The following LRP4 variants were observed in gnomAD, a reference collection of about 807,000 sequenced individuals.
LRP4 encodes low-density lipoprotein receptor-related protein 4.
LRP4 carries 95 observed loss-of-function variants against 220.3 expected under a neutral mutation model. That is an observed-to-expected ratio of 0.43 (90% CI 0.37 to 0.51). The LOEUF is 0.51. LRP4 is among the 20% of genes least tolerant of loss of function. The probability of loss-of-function intolerance (pLI) is 0.00; values close to 1 mark genes in which losing one functional copy is unlikely to be tolerated. For missense variants in LRP4, 1,925 were observed against 2,567.0 expected (o/e 0.75, Z 5.40); for synonymous variants, 903 against 954.6 (o/e 0.95, Z 1.00).
At position 46,886,323 on chromosome 11, in the gene LRP4, A is replaced by AC; in HGVS notation, c.2424+1dup. 1 of 1,583,884 alleles carries AC rather than the reference A, an allele frequency of 6.3e-7. No homozygotes were observed. The highest frequency in any genetic ancestry group is 8.6e-7 in the Non-Finnish European group (1 of 1,163,884). On this transcript the variant is annotated splice_donor_variant, in intron 17 of 37. Transcript: ENST00000378623. LOFTEE classifies it high-confidence loss of function. ...CTTCAACCTCCCCACGCTGGGCCCT[A>AC]CCTCCTGTCCTGTTCCATCCCACTT...
At chr11:46,867,536 A>G (rs1057081410) in intron 34 of LRP4, among the ~76,000 whole-genome samples, 2 of 152,178 alleles carry the variant, frequency 1.3e-5, no homozygotes, top group Non-Finnish European at 2.9e-5. Context: ...ATCTCGGCTC[A>G]CCGCAACCTC....
intron 32 of LRP4, 33 bp downstream of exon 32, chr11:46,868,955 T>A: frequency 6.2e-7 from 1 of 1,614,036 alleles, no homozygotes; most frequent in African/African-American, 1.3e-5. Flanking sequence ...CCCACAGATG[T>A]TAAGGAAGCA....
chr11:46,867,893 C>T (rs1940745789), intron 34 of LRP4, 86 bp downstream of exon 34: 2 of 1,535,946 alleles, frequency 1.3e-6, no homozygotes, highest in East Asian at 2.3e-5. Flanking sequence ...TATCTCCCAA[C>T]TGCCTTATCA....
At chr11:46,917,612 G>T (rs1016037814) in intron 1 of LRP4, among the ~76,000 whole-genome samples, 2 of 152,170 alleles carry the variant, frequency 1.3e-5, no homozygotes, top group Non-Finnish European at 2.9e-5. Context: ...AGCCAGGGCA[G>T]ATCTGCGGGA....
chr11:46,909,978 T>C (rs2134882744), intron 1 of LRP4, among the ~76,000 whole-genome samples: 1 of 152,274 alleles, frequency 6.6e-6, no homozygotes, highest in East Asian at 1.9e-4. Flanking sequence ...ACACGCCATG[T>C]TTCTACTTAT....
chr11:46,873,918 A>C lies in LRP4; in HGVS notation c.4230-325T>G, dbSNP rs975197034. On this transcript the variant is annotated intron_variant, in intron 28 of 37. Coordinates refer to ENST00000378623, the MANE Select transcript of LRP4 (RefSeq NM_002334.4). This position sits in a 1 kb window ranked among gnomAD's most constrained non-coding sequence, Gnocchi z 4.2. The stretch of plus-strand genomic sequence containing the variant: ...AGACAAGGATTGCTAGGTGGTGATG[A>C]TAAGAAACGCAGATTTGTCAAAACC... 2 of 351,366 alleles carry C rather than the reference A, an allele frequency of 5.7e-6. No individual in the cohort carries two copies. The highest frequency in any genetic ancestry group is 1.0e-5 in the Non-Finnish European group (2 of 194,466). The allele number at this position is 351,366 out of a possible 1,614,324, so 21.8% of individuals were successfully genotyped here. A position where few individuals can be genotyped will look rare whatever the true frequency, so the allele number is the denominator to read the frequency against.
intron 16 of LRP4, among the ~76,000 whole-genome samples, chr11:46,887,273 T>A (rs1447098544): frequency 6.6e-6 from 1 of 152,224 alleles, no homozygotes; most frequent in African/African-American, 2.4e-5. Context: ...AGAAAGGCAC[T>A]TCCTGACTAA....
intron 37 of LRP4, among the ~76,000 whole-genome samples, chr11:46,859,836 T>C (rs1202820639): frequency 6.6e-6 from 1 of 152,228 alleles, no homozygotes; most frequent in African/African-American, 2.4e-5. Context: ...CAATTAAATG[T>C]ACATTTATTC....
intron 1 of LRP4, among the ~76,000 whole-genome samples, chr11:46,915,271 T>G (rs1448655716): frequency 2.6e-5 from 4 of 152,206 alleles, no homozygotes; most frequent in African/African-American, 9.6e-5. Flanking sequence ...TATTTTCAGA[T>G]ACAACCTTCT....
chr11:46,890,314 A>G lies in LRP4; in HGVS notation c.1878T>C (p.Asn626=). 6.2e-7 allele frequency: 1 copy of G among 1,614,164 alleles called. No homozygotes were observed. Among genetic ancestry groups the G allele is most frequent in the East Asian group, 2.2e-5 (1 of 44,872 alleles). Residue 626 remains asparagine, a synonymous_variant, in exon 14 of 38, where the codon AAT becomes AAC. Coordinates refer to ENST00000378623, the MANE Select transcript of LRP4 (RefSeq NM_002334.4). This position sits in a 1 kb window ranked among gnomAD's most constrained non-coding sequence, Gnocchi z 5.3. ...CAGCCTTACGGTGACTCCCATCCAG[A>G]TTGGCCCTCTCGATGACATGGTGCT... is the stretch of plus-strand genomic sequence containing the variant. ...DAKHHVIERA[N]LDGSHRKAVI... is the part of the protein sequence containing the mutation.
rs898604 is a variant in LRP4 at position 46,896,432 on chromosome 11, G to A, written c.923-97C>T. 1,210,329 of 1,497,470 alleles carry A rather than the reference G, an allele frequency of 0.81. 497,017 individuals are homozygous for A. The highest frequency in any genetic ancestry group is 0.85 in the Middle Eastern group (4,923 of 5,808). 92.8% of individuals were successfully genotyped at this position (1,497,470 alleles called of 1,614,324 possible). A position where few individuals can be genotyped will look rare whatever the true frequency, so the allele number is the denominator to read the frequency against. On this transcript the variant is annotated intron_variant, in intron 8 of 37. Transcript: ENST00000378623. ...TCTAGGGTAAGCTGGAGACAGATGA[G>A]ACTCAAGGTGGGAGGGTGAGGGTCC...
Position 46,871,547 on chromosome 11 carries a change from G to A in LRP4, c.4670C>T (p.Ser1557Phe). The A allele has an allele frequency of 6.2e-7, 1 of 1,612,830 alleles. No homozygotes were observed. Among genetic ancestry groups the A allele is most frequent in the Non-Finnish European group, 8.5e-7 (1 of 1,179,412 alleles). The change falls in exon 31 of 38, where the codon TCC becomes TTC. Residue 1557 changes from serine (S) to phenylalanine (F), a missense_variant. Physicochemically the swap from Ser to Phe is radical, Grantham distance 155 (BLOSUM62 -2). This residue lies in a region of LRP4 where 1,244 missense variants were observed against 1,624.9 expected (regional missense o/e 0.77). Transcript: ENST00000378623. ...KLRQVLVSHV[S>F]HPFALTQQDR... ...TACCTGTGTGAGGGCAAAGGGGTGG[G>A]ACACATGGCTGACCAAGACCTGCCG...
intron 2 of LRP4, among the ~76,000 whole-genome samples, 195 bp from the exon 3 acceptor site, chr11:46,900,573 C>A (rs556824511): frequency 6.6e-6 from 1 of 151,534 alleles, no homozygotes; most frequent in Admixed American, 6.6e-5. Flanking sequence ...CTGGTTCAGG[C>A]GATTCTGACT....
intron 2 of LRP4, among the ~76,000 whole-genome samples, chr11:46,901,264 CAT>C (rs1453323765): frequency 6.6e-6 from 1 of 152,168 alleles, no homozygotes; most frequent in Admixed American, 6.5e-5. Context: ...GCTAAGAAAA[CAT>C]AAGAAAAACA....
At chr11:46,916,666 C>T (rs1941950393) in intron 1 of LRP4, among the ~76,000 whole-genome samples, 1 of 152,148 alleles carries the variant, frequency 6.6e-6, no homozygotes, top group Non-Finnish European at 1.5e-5. Context: ...GCGACAATCT[C>T]CTCTCTGGCT....
At chr11:46,917,024 A>G (rs1941956539) in intron 1 of LRP4, among the ~76,000 whole-genome samples, 1 of 152,244 alleles carries the variant, frequency 6.6e-6, no homozygotes, top group Non-Finnish European at 1.5e-5. Context: ...AGTCCGCGCT[A>G]GAGAGGACGC....
intron 18 of LRP4, among the ~76,000 whole-genome samples, 154 bp from the exon 19 acceptor site, chr11:46,884,130 T>C (rs1399832458): frequency 6.6e-6 from 1 of 152,302 alleles, no homozygotes; most frequent in East Asian, 1.9e-4. Context: ...ATTTAGTGAC[T>C]TGAACTGCAA....
At chr11:46,894,933 A>G in intron 11 of LRP4, 114 bp from the exon 12 acceptor site, 2 of 1,055,676 alleles carry the variant, frequency 1.9e-6, no homozygotes, top group African/African-American at 1.6e-5. Context: ...ACATGCCCCA[A>G]GCTGTCAGCA....
chr11:46,871,442 G>T, intron 31 of LRP4, 83 bp downstream of exon 31: 1 of 950,146 alleles, frequency 1.1e-6, no homozygotes, highest in Non-Finnish European at 1.7e-6. Flanking sequence ...TTCAGTAGCA[G>T]CTATAGCTGA....
Sources: gnomAD v4.1 joint callset for allele counts (sites outside exome capture counted in the v4.1 genomes callset) on GRCh38, gnomAD v4.1.1 for gene constraint, gnomAD v4.1.1 regional missense constraint, Gnocchi (gnomAD v3.1) non-coding constraint, MANE v1.5 for transcripts, NCBI Gene and HGNC (gene_info 2026-07-23, HGNC 2026-07-21) for gene names.